Variants in EXOC2 observed in about 807,000 individuals in gnomAD.
EXOC2 encodes exocyst complex component 2, also known as SEC5-like 1.
EXOC2 carries 70 observed loss-of-function variants against 131.8 expected under a neutral mutation model. The observed-to-expected ratio is 0.53, with a 90% confidence interval of 0.44 to 0.65. EXOC2 has a LOEUF of 0.65. Ranked by LOEUF, EXOC2 falls within the 30% of genes least tolerant of loss-of-function variation. The probability of loss-of-function intolerance (pLI) is 0.00; values close to 1 mark genes in which losing one functional copy is unlikely to be tolerated. For missense variants in EXOC2, 923 were observed against 1,108.6 expected (o/e 0.83, Z 2.38); for synonymous variants, 411 against 398.4 (o/e 1.03, Z -0.38).
intron 7 of EXOC2, among the ~76,000 whole-genome samples, chr6:606,708 T>C (rs541692946): frequency 4.7e-4 from 71 of 152,348 alleles, no homozygotes; most frequent in African/African-American, 1.5e-3. Context: ...CATCTCATGC[T>C]TTTCTTCACA....
At chr6:547,371 C>T (rs1344547368) in intron 22 of EXOC2, among the ~76,000 whole-genome samples, 1 of 152,194 alleles carries the variant, frequency 6.6e-6, no homozygotes, top group Non-Finnish European at 1.5e-5. Flanking sequence ...CTGGCTCACA[C>T]CAGAGGAGTC....
chr6:581,254 T>G (rs1275374041), intron 11 of EXOC2, among the ~76,000 whole-genome samples: 32 of 146,390 alleles, frequency 2.2e-4, no homozygotes, highest in African/African-American at 8.2e-4. Flanking sequence ...CAAGATCACA[T>G]CACCGCACTC....
At chr6:513,478 A>G (rs943872250) in intron 23 of EXOC2, among the ~76,000 whole-genome samples, 2 of 152,244 alleles carry the variant, frequency 1.3e-5, no homozygotes, top group African/African-American at 4.8e-5. Flanking sequence ...GAGTACAAGA[A>G]TATTAGTTTC....
At chr6:581,282 C>T (rs928829617) in intron 11 of EXOC2, among the ~76,000 whole-genome samples, 4 of 134,376 alleles carry the variant, frequency 3.0e-5, no homozygotes, top group African/African-American at 9.3e-5. Context: ...GGAGACAGAG[C>T]GAGACTCTGT....
intron 1 of EXOC2, among the ~76,000 whole-genome samples, chr6:659,350 T>A (rs1763307496): frequency 6.6e-6 from 1 of 152,170 alleles, no homozygotes; most frequent in African/African-American, 2.4e-5. Flanking sequence ...CCCAAGAGTC[T>A]TTTTAGGTGT....
chr6:552,836 G>A (rs1757218027), intron 21 of EXOC2, among the ~76,000 whole-genome samples: 1 of 151,928 alleles, frequency 6.6e-6, no homozygotes, highest in South Asian at 2.1e-4. Flanking sequence ...GGGTCAAACA[G>A]TTTTACCTTG....
At chr6:494,269 T>C (rs981998509) in intron 25 of EXOC2, among the ~76,000 whole-genome samples, 2 of 152,140 alleles carry the variant, frequency 1.3e-5, no homozygotes, top group Non-Finnish European at 2.9e-5. Flanking sequence ...TTTGAAAAAA[T>C]TTCAAATGTA....
intron 7 of EXOC2, among the ~76,000 whole-genome samples, chr6:604,113 T>C (rs1231790103): frequency 6.6e-6 from 1 of 152,190 alleles, no homozygotes; most frequent in African/African-American, 2.4e-5. Context: ...TGTGACATCA[T>C]GGGGACATAG....
chr6:570,628 ACT>A (rs1205363435), intron 13 of EXOC2, among the ~76,000 whole-genome samples: 1 of 152,130 alleles, frequency 6.6e-6, no homozygotes, highest in Non-Finnish European at 1.5e-5. Context: ...ATAACAGCAA[ACT>A]CTTACTTATC....
intron 6 of EXOC2, among the ~76,000 whole-genome samples, chr6:615,760 A>G (rs1760967911): frequency 6.6e-6 from 1 of 152,014 alleles, no homozygotes; most frequent in African/African-American, 2.4e-5. Context: ...AAACAGGGTA[A>G]GAAAGGTGAG....
At chr6:498,439 T>G (rs1473868034) in intron 24 of EXOC2, among the ~76,000 whole-genome samples, 1 of 152,208 alleles carries the variant, frequency 6.6e-6, no homozygotes, top group Non-Finnish European at 1.5e-5. Flanking sequence ...GATGCTACCA[T>G]AACAAAAACA....
intron 6 of EXOC2, among the ~76,000 whole-genome samples, chr6:613,948 G>C (rs1386348905): frequency 6.6e-6 from 1 of 151,534 alleles, no homozygotes; most frequent in Non-Finnish European, 1.5e-5. Context: ...AGCAACACAA[G>C]ACACATGCCA....
chr6:532,332 A>C (rs890945914), intron 23 of EXOC2, 137 bp downstream of exon 23: 2 of 997,284 alleles, frequency 2.0e-6, no homozygotes, highest in African/African-American at 3.3e-5. Context: ...GTTTAAGCAA[A>C]CAAAAAGTTA....
At chr6:606,266 G>A (rs1317171948) in intron 7 of EXOC2, among the ~76,000 whole-genome samples, 2 of 152,152 alleles carry the variant, frequency 1.3e-5, no homozygotes, top group Non-Finnish European at 2.9e-5. Flanking sequence ...GAGGCCCGTC[G>A]TGGAGTTGGG....
chr6:538,856 G>A (rs531907197), intron 22 of EXOC2, among the ~76,000 whole-genome samples: 7 of 152,200 alleles, frequency 4.6e-5, no homozygotes, highest in African/African-American at 9.6e-5. Context: ...GGTGGATCAC[G>A]GGGTCAGGAG....
In EXOC2 at chr6:675,744, T is replaced by G. The variant is rs369652327; in HGVS notation, c.-44+17275A>C. ...CTCTTCAACATTACGGAAAGGACAG[T>G]TTCCTCTGGAGACTGCGGTTTCCCA... is the stretch of plus-strand genomic sequence containing the variant. On this transcript the variant is annotated intron_variant, in intron 1 of 27. Transcript: ENST00000230449. Among the ~76,000 whole-genome samples the G allele has an allele frequency of 8.0e-4, 52 of 64,902 alleles. 1 individual carries two copies. The highest frequency in any genetic ancestry group is 0.022 in the Middle Eastern group (2 of 90). 42.6% of individuals were successfully genotyped at this position (64,902 alleles called of 152,430 possible).
intron 6 of EXOC2, among the ~76,000 whole-genome samples, chr6:611,517 G>A (rs1760713882): frequency 2.0e-5 from 3 of 152,144 alleles, no homozygotes; most frequent in Admixed American, 6.5e-5. Flanking sequence ...GGTGACCCTG[G>A]CCCCCCGGCT....
rs1432916580 is a variant in EXOC2 at position 546,827 on chromosome 6, G to GC, written c.2238+2347dup. On this transcript the variant is annotated intron_variant, in intron 22 of 27. Coordinates refer to ENST00000230449, the MANE Select transcript of EXOC2 (RefSeq NM_018303.6). Reference sequence around the variant, plus strand: ...TCATAAGGCTTCCAGCCAACAGGAGGCTACTAGTAGTTAGGTTTTAGGGTG... The same window carrying GC: ...TCATAAGGCTTCCAGCCAACAGGAGGCCTACTAGTAGTTAGGTTTTAGGGTG... 3.9e-5 allele frequency among the ~76,000 whole-genome samples: 6 copies of GC among 152,350 alleles called. No homozygotes were observed. The South Asian group carries it at 8.3e-4, about 21-fold the overall frequency.
chr6:586,765 GA>G (rs1759230400), intron 11 of EXOC2, among the ~76,000 whole-genome samples: 1 of 151,524 alleles, frequency 6.6e-6, no homozygotes, highest in African/African-American at 2.4e-5. Flanking sequence ...GATCAGGTGA[GA>G]GGGGGAGTGA....
Sources: allele counts gnomAD v4.1 joint callset (sites outside exome capture counted in the v4.1 genomes callset), GRCh38; gene constraint gnomAD v4.1.1; transcripts MANE v1.5; gene names NCBI Gene and HGNC (gene_info 2026-07-23, HGNC 2026-07-21).